ASIC2: variants seen among roughly 807,000 people sequenced by gnomAD.
The protein encoded by ASIC2 is acid sensing ion channel subunit 2, also known as acid-sensing ion channel 2.
Under a neutral mutation model 57.3 loss-of-function variants are expected in ASIC2, and 25 were observed. The observed-to-expected ratio is 0.44, with a 90% CI of 0.32 to 0.61. The LOEUF is 0.61. Among genes scored for constraint, ASIC2 ranks in the 20% least tolerant of loss-of-function variants. The probability of loss-of-function intolerance (pLI) is 0.06; values close to 1 mark genes in which losing one functional copy is unlikely to be tolerated. For missense variants in ASIC2, 641 were observed against 738.1 expected (o/e 0.87, Z 1.52); for synonymous variants, 319 against 307.5 (o/e 1.04, Z -0.39).
chr17:33,363,348 C>T (rs1485494584), intron 1 of ASIC2, among the ~76,000 whole-genome samples: 1 of 152,146 alleles, frequency 6.6e-6, no homozygotes, highest in Non-Finnish European at 1.5e-5. Context: ...GGTTAAGTGA[C>T]CTGCAAAAGC....
In ASIC2 at chr17:33,028,225, C is replaced by T. The variant is rs189531599; in HGVS notation, c.1138+17G>A. ...GCAGATCCCAGGGCCCTGTGGCCAC[C>T]CTGCCCTGGCACTGACCTGGCATGT... On this transcript the variant is annotated intron_variant, in intron 4 of 9. Transcript: ENST00000225823. 6 of 1,613,110 alleles carry T rather than the reference C, an allele frequency of 3.7e-6. No individual in the cohort carries two copies. The South Asian group carries it at 4.4e-5, about 12-fold the overall frequency.
At chr17:33,245,600 G>A (rs1908661875) in intron 1 of ASIC2, among the ~76,000 whole-genome samples, 1 of 152,212 alleles carries the variant, frequency 6.6e-6, no homozygotes, top group African/African-American at 2.4e-5. Flanking sequence ...ATGATGTTCA[G>A]GAATGACAGG....
chr17:33,943,692 T>TAA (rs3071252), intron 1 of ASIC2, among the ~76,000 whole-genome samples: 8,049 of 119,660 alleles, frequency 0.067, 790 homozygotes, highest in African/African-American at 0.23. Context: ...ATGATAATAG[T>TAA]AAAAAAAAAA....
intron 1 of ASIC2, among the ~76,000 whole-genome samples, chr17:33,335,554 G>A (rs1215657712): frequency 9.4e-6 from 1 of 106,902 alleles, no homozygotes; most frequent in Admixed American, 1.1e-4. Flanking sequence ...ACTCCAGGCT[G>A]AATCTTAGGA....
At chr17:33,742,642 T>C (rs1910145456) in intron 1 of ASIC2, among the ~76,000 whole-genome samples, 1 of 152,128 alleles carries the variant, frequency 6.6e-6, no homozygotes, top group African/African-American at 2.4e-5. Flanking sequence ...CATAATGACA[T>C]CACATGGAAC....
At chr17:33,134,028 C>T (rs1407166515) in intron 1 of ASIC2, among the ~76,000 whole-genome samples, 1 of 152,210 alleles carries the variant, frequency 6.6e-6, no homozygotes, top group African/African-American at 2.4e-5. Flanking sequence ...GGGACTCCTT[C>T]ACTCATGCAC....
chr17:33,944,471 C>G (rs1349713532), intron 1 of ASIC2, among the ~76,000 whole-genome samples: 1 of 152,120 alleles, frequency 6.6e-6, no homozygotes, highest in African/African-American at 2.4e-5. Flanking sequence ...CAGGGAGAGG[C>G]AGACAGATAA....
chr17:34,117,303 G>A (rs1381574361), intron 1 of ASIC2, among the ~76,000 whole-genome samples: 1 of 152,212 alleles, frequency 6.6e-6, no homozygotes, highest in Admixed American at 6.5e-5. Context: ...TGACCCACAT[G>A]TATAAGTGAG....
chr17:33,043,000 C>A (rs2091935724), intron 3 of ASIC2, among the ~76,000 whole-genome samples: 1 of 151,852 alleles, frequency 6.6e-6, no homozygotes, highest in Admixed American at 6.6e-5. Context: ...AATCTCGGCT[C>A]ACCTCAAGCT....
chr17:33,153,074 G>C (rs917973832), intron 1 of ASIC2, among the ~76,000 whole-genome samples: 4 of 152,118 alleles, frequency 2.6e-5, no homozygotes, highest in Admixed American at 6.5e-5. Context: ...TTTGAGGCTC[G>C]TAAAGCTCTT....
chr17:33,238,077 A>G (rs1179873717), intron 1 of ASIC2, among the ~76,000 whole-genome samples: 1 of 152,204 alleles, frequency 6.6e-6, no homozygotes, highest in Admixed American at 6.5e-5. Flanking sequence ...TCAGCAATGT[A>G]ATAAAGGCGG....
At chr17:33,177,279 T>C (rs1187098874) in intron 1 of ASIC2, among the ~76,000 whole-genome samples, 2 of 151,548 alleles carry the variant, frequency 1.3e-5, no homozygotes, top group Admixed American at 6.6e-5. Context: ...TTAGAGCTGA[T>C]GGTCCTCCAG....
intron 1 of ASIC2, among the ~76,000 whole-genome samples, chr17:33,558,694 A>G (rs1000504696): frequency 6.6e-6 from 1 of 152,240 alleles, no homozygotes; most frequent in African/African-American, 2.4e-5. Flanking sequence ...CTGAATGTAA[A>G]TGAATGGGCA....
intron 1 of ASIC2, among the ~76,000 whole-genome samples, chr17:33,590,205 ATCCTGGG>A (rs1904780291): frequency 6.6e-6 from 1 of 152,172 alleles, no homozygotes; most frequent in African/African-American, 2.4e-5. Flanking sequence ...ACCAAGGAAC[ATCCTGGG>A]TCTTTTCATT....
intron 1 of ASIC2, among the ~76,000 whole-genome samples, chr17:33,416,738 G>A (rs576515304): frequency 5.6e-4 from 85 of 152,336 alleles, no homozygotes; most frequent in Admixed American, 1.8e-3. Context: ...GGGGACCTAG[G>A]TTTGGAGTGG....
chr17:34,099,983 T>C (rs1598026022), intron 1 of ASIC2, among the ~76,000 whole-genome samples: 2 of 152,038 alleles, frequency 1.3e-5, no homozygotes, highest in African/African-American at 2.4e-5. Flanking sequence ...CCCATGATAT[T>C]TGCTAATGGA....
At chr17:33,429,263 C>A (rs1277437240) in intron 1 of ASIC2, among the ~76,000 whole-genome samples, 1 of 152,168 alleles carries the variant, frequency 6.6e-6, no homozygotes, top group African/African-American at 2.4e-5. Context: ...TCTCAAGGAG[C>A]TTTTGGCTTA....
At chr17:34,083,966 G>A (rs1909996958) in intron 1 of ASIC2, among the ~76,000 whole-genome samples, 1 of 152,168 alleles carries the variant, frequency 6.6e-6, no homozygotes, top group South Asian at 2.1e-4. Flanking sequence ...CTCCCATTCT[G>A]TAGGTTGCCT....
At chr17:33,790,483 T>C (rs1451579338) in intron 1 of ASIC2, among the ~76,000 whole-genome samples, 1 of 152,208 alleles carries the variant, frequency 6.6e-6, no homozygotes, top group Admixed American at 6.5e-5. Flanking sequence ...GTGTTTGCAG[T>C]ATTGGTTAGC....
Sources: allele counts gnomAD v4.1 joint callset (sites outside exome capture counted in the v4.1 genomes callset), GRCh38; gene constraint gnomAD v4.1.1; transcripts MANE v1.5; gene names NCBI Gene and HGNC (gene_info 2026-07-23, HGNC 2026-07-21).